Variants in SUGP1 observed in about 807,000 individuals in gnomAD.
The protein encoded by SUGP1 is SURP and G-patch domain-containing protein 1.
In SUGP1, 34 loss-of-function variants were observed where a neutral mutation model predicts 76.5. The ratio of observed to expected loss-of-function variants is 0.44; its 90% CI spans 0.34 to 0.59. The LOEUF is 0.59. Ranked by LOEUF, SUGP1 falls within the 20% of genes least tolerant of loss-of-function variation. The pLI, the probability that SUGP1 is intolerant of heterozygous loss-of-function variation, is 0.01. For synonymous variants in SUGP1, 326 were observed against 326.2 expected, an observed-to-expected ratio of 1.00 and a Z score of 0.01; for missense variants, 752 against 851.7, an observed-to-expected ratio of 0.88 and a Z score of 1.46.
rs200879181 is a variant in SUGP1 at position 19,310,177 on chromosome 19, G to A, written c.230C>T (p.Ser77Phe). Reference sequence around the variant, plus strand: ...GTTGGCAAACTTGTTGGAAATGCAGGAAGAGTTGTGTGCATTTGTGATTCT... The same window carrying A: ...GTTGGCAAACTTGTTGGAAATGCAGAAAGAGTTGTGTGCATTTGTGATTCT... ...PGEITNAHNS[S>F]CISNKFANDG... is the part of the protein sequence containing the mutation. The change falls in exon 3 of 14, where the codon TCC becomes TTC. Residue 77 changes from serine to phenylalanine, a missense_variant. Transcript: ENST00000247001. 14 of 1,613,468 alleles carry A rather than the reference G, an allele frequency of 8.7e-6. No homozygotes were observed. Among genetic ancestry groups the A allele is most frequent in the Non-Finnish European group, 1.2e-5 (14 of 1,179,604 alleles).
intron 8 of SUGP1, among the ~76,000 whole-genome samples, chr19:19,290,686 TAC>T (rs1204754511): frequency 6.6e-6 from 1 of 152,186 alleles, no homozygotes; most frequent in Non-Finnish European, 1.5e-5. Flanking sequence ...TTGCTATATA[TAC>T]ACAGTTTTGT....
intron 8 of SUGP1, among the ~76,000 whole-genome samples, chr19:19,282,729 C>A (rs573884898): frequency 1.3e-5 from 2 of 151,806 alleles, no homozygotes; most frequent in Admixed American, 1.3e-4. Flanking sequence ...TGCAACAATT[C>A]GAAAAAAGTC....
At chr19:19,296,856 A>G (rs1241072180) in intron 8 of SUGP1, 133 bp downstream of exon 8, 1 of 774,480 alleles carries the variant, frequency 1.3e-6, no homozygotes, top group Non-Finnish European at 2.0e-6. Context: ...GTATGTACAC[A>G]CAGTGGAAGA....
At chr19:19,279,476 C>T in intron 9 of SUGP1, 86 bp from the exon 10 acceptor site, 1 of 1,431,202 alleles carries the variant, frequency 7.0e-7, no homozygotes. Flanking sequence ...CAGTGCTGGG[C>T]ATCCCCCGCC....
chr19:19,310,648 C>T (rs1481034982), intron 2 of SUGP1, among the ~76,000 whole-genome samples: 2 of 152,038 alleles, frequency 1.3e-5, no homozygotes, highest in African/African-American at 2.4e-5. Context: ...CTCTCCCTCT[C>T]TATCTATCTA....
chr19:19,284,858 T>C (rs1268487955), intron 8 of SUGP1, among the ~76,000 whole-genome samples: 2 of 151,128 alleles, frequency 1.3e-5, no homozygotes, highest in Admixed American at 6.6e-5. Flanking sequence ...AAGATATGCA[T>C]GTGCTCAAAC....
intron 4 of SUGP1, 148 bp downstream of exon 4, chr19:19,305,701 A>C (rs2061311019): frequency 2.7e-6 from 2 of 729,276 alleles, no homozygotes; most frequent in South Asian, 2.0e-5. Context: ...CTCACCTCAG[A>C]GGGCCTGAGG....
At chr19:19,317,960 G>A (rs1431651320) in intron 1 of SUGP1, among the ~76,000 whole-genome samples, 2 of 151,414 alleles carry the variant, frequency 1.3e-5, no homozygotes, top group South Asian at 2.1e-4. Flanking sequence ...ACAGGCGTGA[G>A]CCACCACACC....
chr19:19,306,948 G>A (rs886416416), intron 3 of SUGP1, among the ~76,000 whole-genome samples: 2 of 152,192 alleles, frequency 1.3e-5, no homozygotes, highest in African/African-American at 4.8e-5. Flanking sequence ...CCTGAGTCTG[G>A]TGGGGAGCAG....
chr19:19,309,837 G>A (rs1259266494), intron 3 of SUGP1, among the ~76,000 whole-genome samples: 3 of 152,206 alleles, frequency 2.0e-5, no homozygotes, highest in African/African-American at 4.8e-5. Context: ...GGGTGAACCC[G>A]GGAGGCGGAG....
intron 7 of SUGP1, among the ~76,000 whole-genome samples, chr19:19,299,458 C>T (rs553052717): frequency 3.3e-5 from 5 of 152,106 alleles, no homozygotes; most frequent in South Asian, 2.1e-4. Flanking sequence ...CTGCAAGCTC[C>T]GCCTCCCGGG....
At chr19:19,301,804 C>T (rs1394696639) in intron 7 of SUGP1, 5 of 159,522 alleles carry the variant, frequency 3.1e-5, no homozygotes, top group Non-Finnish European at 6.9e-5. Flanking sequence ...CTGTGGAACT[C>T]GCACACAGGC....
At chr19:19,305,812 C>A in intron 4 of SUGP1, 37 bp downstream of exon 4, 1 of 1,551,700 alleles carries the variant, frequency 6.4e-7, no homozygotes, top group Non-Finnish European at 8.7e-7. Context: ...AGAGCACGGG[C>A]ACTGGTGGTG....
intron 7 of SUGP1, among the ~76,000 whole-genome samples, chr19:19,299,966 C>T (rs748495716): frequency 9.9e-5 from 15 of 151,770 alleles, no homozygotes; most frequent in Admixed American, 3.3e-4. Flanking sequence ...TTAGTAGAGA[C>T]GGGGTTTCTC....
chr19:19,303,428 C>T lies in SUGP1; in HGVS notation c.683G>A (p.Ser228Asn), dbSNP rs374307015. 6.2e-7 allele frequency: 1 copy of T among 1,614,132 alleles called. No individual in the cohort carries two copies. The highest frequency in any genetic ancestry group is 8.5e-7 in the Non-Finnish European group (1 of 1,180,000). Residue 228 changes from serine (S) to asparagine (N), a missense_variant, in exon 6 of 14, where the codon AGC becomes AAC. By Grantham distance (46) the Ser-to-Asn change is conservative (BLOSUM62 1). This residue lies in a region of SUGP1 where 620 missense variants were observed against 617.3 expected (regional missense o/e 1.00). Transcript: ENST00000247001. ...CTTCCTGTAGTAGAGGAATTCCCTG[C>T]TATTCTTATCGTGCAAAAATCTGGA... ...PAFAFLHDKNSREFLYYRKKV... is the reference protein window; with the variant it reads ...PAFAFLHDKNNREFLYYRKKV...
At chr19:19,293,994 G>A (rs1432648439) in intron 8 of SUGP1, among the ~76,000 whole-genome samples, 1 of 152,036 alleles carries the variant, frequency 6.6e-6, no homozygotes, top group Non-Finnish European at 1.5e-5. Flanking sequence ...AGACCAGCCT[G>A]GGCAACATAG....
intron 8 of SUGP1, among the ~76,000 whole-genome samples, chr19:19,283,216 C>T (rs1477951813): frequency 1.3e-5 from 2 of 152,148 alleles, no homozygotes; most frequent in African/African-American, 4.8e-5. Context: ...ACAGACTGTA[C>T]ATAATGTGTT....
At chr19:19,297,729 G>T (rs1232397650) in intron 7 of SUGP1, among the ~76,000 whole-genome samples, 1 of 152,230 alleles carries the variant, frequency 6.6e-6, no homozygotes, top group African/African-American at 2.4e-5. Flanking sequence ...ACACGAGACA[G>T]GGCAGAGGGA....
At chr19:19,282,764 A>G (rs2061108093) in intron 8 of SUGP1, among the ~76,000 whole-genome samples, 1 of 152,086 alleles carries the variant, frequency 6.6e-6, no homozygotes, top group African/African-American at 2.4e-5. Context: ...GCCTAGAAAT[A>G]CTGAAAAAAA....
Sources: allele counts gnomAD v4.1 joint callset (sites outside exome capture counted in the v4.1 genomes callset), GRCh38; gene constraint gnomAD v4.1.1; regional missense constraint gnomAD v4.1.1; transcripts MANE v1.5; gene names NCBI Gene and HGNC (gene_info 2026-07-23, HGNC 2026-07-21).